Variants in PIK3C2G observed in about 807,000 individuals in gnomAD.
The protein encoded by PIK3C2G is phosphatidylinositol 3-kinase C2 domain-containing subunit gamma.
Under a neutral mutation model 181.1 loss-of-function variants are expected in PIK3C2G, and 168 were observed. The ratio of observed to expected loss-of-function variants is 0.93; its 90% confidence interval spans 0.82 to 1.05. The LOEUF (loss-of-function observed/expected upper bound fraction) is 1.05. Ranked by LOEUF, PIK3C2G falls within the 50% of genes least tolerant of loss-of-function variation. PIK3C2G has a pLI of 0.00. For synonymous variants in PIK3C2G, 573 were observed against 592.2 expected, an observed-to-expected ratio of 0.97 and a Z score of 0.47; for missense variants, 1,869 against 1,732.8, an observed-to-expected ratio of 1.08 and a Z score of -1.40.
chr12:18,596,507 T>C (rs1375941404), intron 30 of PIK3C2G, among the ~76,000 whole-genome samples: 2 of 152,090 alleles, frequency 1.3e-5, no homozygotes, highest in Admixed American at 1.3e-4. Flanking sequence ...TAAAATTATC[T>C]ACTCACAACT....
intron 30 of PIK3C2G, among the ~76,000 whole-genome samples, chr12:18,595,444 G>T (rs1163260516): frequency 6.6e-6 from 1 of 152,062 alleles, no homozygotes; most frequent in African/African-American, 2.4e-5. Flanking sequence ...TTAATTAAGA[G>T]GGTGGATTCC....
chr12:18,624,468 T>A (rs1168221275), intron 31 of PIK3C2G, among the ~76,000 whole-genome samples: 1 of 151,716 alleles, frequency 6.6e-6, no homozygotes, highest in Admixed American at 6.6e-5. Context: ...TCTATTAATA[T>A]GTTTGTGAAG....
intron 8 of PIK3C2G, among the ~76,000 whole-genome samples, chr12:18,334,908 G>A (rs1016876690): frequency 2.6e-5 from 4 of 152,052 alleles, no homozygotes; most frequent in African/African-American, 9.7e-5. Context: ...CTGTAGGTCA[G>A]TATAGAAAAG....
chr12:18,538,838 C>T (rs551133555), intron 25 of PIK3C2G, among the ~76,000 whole-genome samples: 48 of 151,980 alleles, frequency 3.2e-4, no homozygotes, highest in South Asian at 8.3e-4. Flanking sequence ...TGTACTGAGT[C>T]ATGGTCCTAC....
chr12:18,274,810 A>T (rs1212054777), intron 1 of PIK3C2G, among the ~76,000 whole-genome samples: 9 of 151,564 alleles, frequency 5.9e-5, no homozygotes, highest in Middle Eastern at 3.4e-3. Flanking sequence ...TAATAATAAT[A>T]AAAAAAAGCC....
intron 31 of PIK3C2G, among the ~76,000 whole-genome samples, chr12:18,613,266 T>A (rs562547569): frequency 1.3e-5 from 2 of 151,900 alleles, no homozygotes; most frequent in Non-Finnish European, 2.9e-5. Context: ...ACATAACCAA[T>A]AGGATGAAAC....
chr12:18,693,594 T>C, the PIK3C2G span: 5 of 1,587,272 alleles, frequency 3.2e-6, no homozygotes, highest in Non-Finnish European at 2.6e-6. Flanking sequence ...TTGTTTCGAG[T>C]TGCTGAAGAA....
chr12:18,440,809 T>C (rs1038924781), intron 18 of PIK3C2G, among the ~76,000 whole-genome samples: 3 of 152,078 alleles, frequency 2.0e-5, no homozygotes, highest in Admixed American at 6.6e-5. Flanking sequence ...TCTGAGAAGA[T>C]GAAAGGCACA....
chr12:18,573,515 G>A (rs2136386748), intron 29 of PIK3C2G, among the ~76,000 whole-genome samples: 1 of 152,286 alleles, frequency 6.6e-6, no homozygotes, highest in South Asian at 2.1e-4. Context: ...GAGAAGCAGT[G>A]CCAAATCCTG....
intron 18 of PIK3C2G, among the ~76,000 whole-genome samples, chr12:18,457,467 G>A (rs150214962): frequency 0.011 from 1,620 of 152,156 alleles, 28 homozygotes; most frequent in African/African-American, 0.037. Context: ...ACCTGCACTG[G>A]CCTCAGTTCC....
At chr12:18,505,712 T>C (rs1941780993) in intron 24 of PIK3C2G, among the ~76,000 whole-genome samples, 1 of 152,194 alleles carries the variant, frequency 6.6e-6, no homozygotes, top group African/African-American at 2.4e-5. Flanking sequence ...GCTAATCCTG[T>C]TTTAGTCTGT....
chr12:18,565,889 TC>T (rs1945609531), intron 28 of PIK3C2G, among the ~76,000 whole-genome samples: 1 of 152,158 alleles, frequency 6.6e-6, no homozygotes, highest in Non-Finnish European at 1.5e-5. Flanking sequence ...TTTATCAAAT[TC>T]ATTTCTCCCA....
At chr12:18,436,045 C>T (rs1346340416) in intron 18 of PIK3C2G, among the ~76,000 whole-genome samples, 1 of 151,676 alleles carries the variant, frequency 6.6e-6, no homozygotes, top group Non-Finnish European at 1.5e-5. Flanking sequence ...TAACAAGAAG[C>T]TCTTCAGTAG....
rs142335993 is a variant in PIK3C2G, at chr12:18,593,338, G to A, written c.4012-1156G>A. On this transcript the variant is annotated intron_variant, in intron 29 of 32. Transcript: ENST00000538779. ...ACACATTTTTTTTTCCATTGTAAGCGGATGGAAAGCTGTGTGTCTGTAGAT... is the reference window on the plus strand; with the variant it reads ...ACACATTTTTTTTTCCATTGTAAGCAGATGGAAAGCTGTGTGTCTGTAGAT... Among the ~76,000 whole-genome samples, 1,075 of 151,902 alleles carry A rather than the reference G, an allele frequency of 7.1e-3. 8 individuals carry two copies. Among genetic ancestry groups the A allele is most frequent in the African/African-American group, 0.023 (955 of 41,456 alleles).
chr12:18,642,041 GC>G (rs1240225458), intron 32 of PIK3C2G, among the ~76,000 whole-genome samples: 1 of 152,112 alleles, frequency 6.6e-6, no homozygotes, highest in Non-Finnish European at 1.5e-5. Context: ...GAGCCACCAT[GC>G]CCGGCCTCTG....
chr12:18,537,091 A>C (rs929277194), intron 24 of PIK3C2G, among the ~76,000 whole-genome samples: 62 of 152,094 alleles, frequency 4.1e-4, no homozygotes, highest in African/African-American at 1.4e-3. Flanking sequence ...CCACAAATTG[A>C]CGAAGTTGTA....
At chr12:18,250,821 T>A (rs1948088671) in intron 1 of PIK3C2G, among the ~76,000 whole-genome samples, 1 of 152,156 alleles carries the variant, frequency 6.6e-6, no homozygotes, top group South Asian at 2.1e-4. Context: ...TAACATTTAA[T>A]AAAATTTATC....
chr12:18,383,106 T>C (rs1171340405), intron 14 of PIK3C2G, among the ~76,000 whole-genome samples: 1 of 152,194 alleles, frequency 6.6e-6, no homozygotes, highest in African/African-American at 2.4e-5. Flanking sequence ...AAAAGATAAA[T>C]ATATCCATGA....
chr12:18,282,855 A>G (rs886411633), intron 2 of PIK3C2G, 96 bp downstream of exon 2: 2 of 846,470 alleles, frequency 2.4e-6, no homozygotes, highest in Admixed American at 5.5e-5. Context: ...CTAAACTTAA[A>G]TAGGGAAATC....
Sources: allele counts gnomAD v4.1 joint callset (sites outside exome capture counted in the v4.1 genomes callset), GRCh38; gene constraint gnomAD v4.1.1; transcripts MANE v1.5; gene names NCBI Gene and HGNC (gene_info 2026-07-23, HGNC 2026-07-21).